The following ABCC3 variants were observed in gnomAD, a reference collection of about 807,000 sequenced individuals.
The protein encoded by ABCC3 is ATP-binding cassette sub-family C member 3.
ABCC3 carries 121 observed loss-of-function variants against 165.3 expected under a neutral mutation model. That is an observed-to-expected ratio of 0.73 (90% CI 0.63 to 0.85). The LOEUF (loss-of-function observed/expected upper bound fraction) is 0.85. Among genes scored for constraint, ABCC3 ranks in the 40% least tolerant of loss-of-function variants. The pLI, the probability that ABCC3 is intolerant of heterozygous loss-of-function variation, is 0.00. For synonymous variants in ABCC3, 733 were observed against 810.1 expected (o/e 0.90, Z 1.62); for missense variants, 1,869 against 1,964.1 (o/e 0.95, Z 0.92).
chr17:50,635,227 C>G (rs1432292846), intron 1 of ABCC3: 2 of 628,290 alleles, frequency 3.2e-6, no homozygotes, highest in Non-Finnish European at 5.6e-6. Flanking sequence ...CTGGGGAGCC[C>G]GGGAAAGTGA....
intron 8 of ABCC3, chr17:50,663,441 G>A (rs561084453): frequency 1.8e-5 from 10 of 546,582 alleles, no homozygotes; most frequent in South Asian, 1.3e-4. Context: ...GAGCGTCATC[G>A]ATAGGGCGTG....
At chr17:50,684,139 C>T in intron 28 of ABCC3, 32 bp downstream of exon 28, 1 of 1,606,316 alleles carries the variant, frequency 6.2e-7, no homozygotes. Flanking sequence ...GCCACACTCA[C>T]CAACGGCCCT....
In ABCC3 at chr17:50,687,580, G is replaced by T. The variant is rs527762615; in HGVS notation, c.4325G>T (p.Arg1442Leu). ...QLVCLARALL[R>L]KSRILVLDEA... ...GTGTGCCTGGCCCGAGCCCTGCTCC[G>T]CAAGAGCCGCATCCTGGTTTTAGAC... The change falls in exon 30 of 31, where the codon CGC becomes CTC. Residue 1442 changes from arginine to leucine, a missense_variant. Transcript: ENST00000285238. The T allele has an allele frequency of 6.2e-7, 1 of 1,614,082 alleles. No homozygotes were observed. Among genetic ancestry groups the T allele is most frequent in the Non-Finnish European group, 8.5e-7 (1 of 1,180,048 alleles).
At chr17:50,635,689 G>T in intron 1 of ABCC3, 1 of 675,192 alleles carries the variant, frequency 1.5e-6, no homozygotes, top group Non-Finnish European at 2.7e-6. Context: ...CTTGCCCAAA[G>T]TTACCCAGTT....
chr17:50,650,245 A>AC (rs573837815), intron 1 of ABCC3, among the ~76,000 whole-genome samples: 110 of 152,292 alleles, frequency 7.2e-4, no homozygotes, highest in African/African-American at 2.6e-3. Context: ...AGCTGGGATT[A>AC]CAGGCGCCTG....
chr17:50,645,847 G>T (rs1325662552), intron 1 of ABCC3, among the ~76,000 whole-genome samples: 7 of 152,164 alleles, frequency 4.6e-5, no homozygotes, highest in African/African-American at 1.7e-4. Flanking sequence ...TGATGCTCCT[G>T]CCTTGGCCTC....
At position 50,676,402 on chromosome 17, in the gene ABCC3, A is replaced by T; in HGVS notation, c.3192A>T (p.Pro1064=). The change falls in exon 23 of 31, where the codon CCA becomes CCT. Residue 1064 remains proline, a synonymous_variant. Transcript: ENST00000285238. ...CACAGTCCTTCTTTGACACCACACC[A>T]TCAGGCCGCATCCTGAACTGCTTCT... The part of the protein sequence containing the change: ...RSPQSFFDTT[P]SGRILNCFSK... The T allele has an allele frequency of 6.2e-7, 1 of 1,614,130 alleles. No homozygotes were observed. Among genetic ancestry groups the T allele is most frequent in the Non-Finnish European group, 8.5e-7 (1 of 1,180,022 alleles).
rs1293320066 is a variant in ABCC3 at position 50,634,951 on chromosome 17, C to G, written c.15C>G (p.Cys5Trp). Residue 5 changes from cysteine (C) to tryptophan (W), a missense_variant, in exon 1 of 31, where the codon TGC (cysteine) becomes TGG (tryptophan). Transcript: ENST00000285238. ...GCCTCGGCCCCATGGACGCCCTGTG[C>G]GGTTCCGGGGAGCTCGGCTCCAAGT... MDAL[C>W]GSGELGSKFW... The G allele has an allele frequency of 2.4e-6, 3 of 1,261,104 alleles. No homozygotes were observed. The highest frequency in any genetic ancestry group is 6.6e-5 in the South Asian group (2 of 30,198). 78.1% of individuals were successfully genotyped at this position (1,261,104 alleles called of 1,614,324 possible).
At chr17:50,689,840 A>C (rs1026742398) in intron 30 of ABCC3, among the ~76,000 whole-genome samples, 3 of 152,146 alleles carry the variant, frequency 2.0e-5, no homozygotes, top group Non-Finnish European at 4.4e-5. Flanking sequence ...GCCTAACCAA[A>C]ACTGTTTCAT....
At chr17:50,662,000 G>A (rs751883606) in intron 8 of ABCC3, among the ~76,000 whole-genome samples, 3 of 152,192 alleles carry the variant, frequency 2.0e-5, no homozygotes, top group Non-Finnish European at 2.9e-5. Context: ...AAATGGCAAC[G>A]AGAGGGAGGG....
chr17:50,677,122 T>A (rs898387161), intron 23 of ABCC3, among the ~76,000 whole-genome samples: 3 of 152,222 alleles, frequency 2.0e-5, no homozygotes, highest in African/African-American at 7.2e-5. Context: ...CCTCAAGTGA[T>A]CCGCCCACCT....
At chr17:50,656,901 G>A in intron 3 of ABCC3, 74 bp downstream of exon 3, 2 of 1,550,816 alleles carry the variant, frequency 1.3e-6, no homozygotes, top group South Asian at 2.5e-5. Flanking sequence ...GGAAACTGTG[G>A]GCTCTGAGGA....
In ABCC3 at chr17:50,665,208, T is replaced by C; in HGVS notation, c.1394T>C (p.Leu465Pro). Reference protein sequence around the residue: ...GVAFMVLLIPLNGAVAVKMRA... With the variant: ...GVAFMVLLIPPNGAVAVKMRA... The stretch of plus-strand genomic sequence containing the variant: ...GCTTTCATGGTCTTGCTGATTCCAC[T>C]CAACGGAGCTGTGGCCGTGAAGATG... Residue 465 changes from leucine to proline, a missense_variant, in exon 11 of 31, where the codon CTC (leucine) becomes CCC (proline). Coordinates refer to ENST00000285238, the MANE Select transcript of ABCC3 (RefSeq NM_003786.4). The C allele has an allele frequency of 6.5e-7, 1 of 1,538,284 alleles. No homozygotes were observed. Among genetic ancestry groups the C allele is most frequent in the Non-Finnish European group, 8.8e-7 (1 of 1,131,182 alleles).
At chr17:50,683,299 AG>A (rs1399213761) in intron 26 of ABCC3, among the ~76,000 whole-genome samples, 5 of 151,030 alleles carry the variant, frequency 3.3e-5, no homozygotes, top group African/African-American at 1.2e-4. Context: ...GCTGGAACCC[AG>A]GAGTTCAAGG....
chr17:50,646,971 C>T (rs1003507975), intron 1 of ABCC3, among the ~76,000 whole-genome samples: 2 of 152,182 alleles, frequency 1.3e-5, no homozygotes, highest in African/African-American at 4.8e-5. Flanking sequence ...CTCCGCCTCC[C>T]GGGTTCAAAC....
chr17:50,671,846 C>T (rs993795007), intron 17 of ABCC3, among the ~76,000 whole-genome samples: 5 of 151,332 alleles, frequency 3.3e-5, no homozygotes, highest in Non-Finnish European at 5.9e-5. Flanking sequence ...CTCAGCCTCC[C>T]GAATAGCTGG....
intron 7 of ABCC3, among the ~76,000 whole-genome samples, chr17:50,659,889 G>A (rs1269692535): frequency 6.6e-6 from 1 of 152,212 alleles, no homozygotes; most frequent in Non-Finnish European, 1.5e-5. Flanking sequence ...GAGAGGCTGA[G>A]GTGGGAGGAT....
intron 29 of ABCC3, 148 bp from the exon 30 acceptor site, chr17:50,687,388 G>A (rs759903090): frequency 5.1e-5 from 38 of 740,330 alleles, no homozygotes; most frequent in Admixed American, 1.3e-4. Flanking sequence ...CCTCTGCTCC[G>A]TTCTGGAGGG....
At chr17:50,655,033 G>T (rs1377895568) in intron 1 of ABCC3, among the ~76,000 whole-genome samples, 1 of 148,202 alleles carries the variant, frequency 6.7e-6, no homozygotes, top group Non-Finnish European at 1.5e-5. Context: ...CTGGGAGGCG[G>T]AGTTTTCAGT....
Sources: allele counts gnomAD v4.1 joint callset (sites outside exome capture counted in the v4.1 genomes callset), GRCh38; gene constraint gnomAD v4.1.1; transcripts MANE v1.5; gene names NCBI Gene and HGNC (gene_info 2026-07-23, HGNC 2026-07-21).